Variants in DIP2C observed in about 807,000 individuals in gnomAD.
DIP2C encodes the protein DIP2 acetate--CoA ligase C (putative), also known as disco-interacting protein 2 homolog C.
DIP2C carries 33 observed loss-of-function variants against 192.4 expected under a neutral mutation model. The ratio of observed to expected loss-of-function variants is 0.17; its 90% CI spans 0.13 to 0.23. DIP2C has a LOEUF of 0.23. DIP2C is among the 10% of genes least tolerant of loss of function. The pLI is 1.00. For missense variants in DIP2C, 1,537 were observed against 2,110.1 expected (o/e 0.73, Z 5.32); for synonymous variants, 979 against 864.1 (o/e 1.13, Z -2.33).
At chr10:441,598 T>C (rs992217963) in intron 3 of DIP2C, among the ~76,000 whole-genome samples, 5 of 152,222 alleles carry the variant, frequency 3.3e-5, no homozygotes, top group South Asian at 2.1e-4. Flanking sequence ...TGATGGTTTA[T>C]TAGAGGTTTC....
chr10:303,487 T>G (rs888462879), intron 32 of DIP2C, among the ~76,000 whole-genome samples: 2 of 152,182 alleles, frequency 1.3e-5, no homozygotes, highest in Non-Finnish European at 2.9e-5. Context: ...AAATAATTTA[T>G]CTTTATATCA....
At chr10:387,616 GGACA>G (rs533595292) in intron 14 of DIP2C, 125 bp downstream of exon 14, 198 of 796,322 alleles carry the variant, frequency 2.5e-4, no homozygotes, top group African/African-American at 2.0e-3. Context: ...ACTCCTGTGT[GGACA>G]GACAGTGTGG....
At chr10:446,514 CCT>C (rs1313321643) in intron 3 of DIP2C, among the ~76,000 whole-genome samples, 16 of 152,174 alleles carry the variant, frequency 1.1e-4, no homozygotes, top group African/African-American at 3.9e-4. Flanking sequence ...TAAATAAGGC[CCT>C]GTGTCTTCGG....
intron 1 of DIP2C, among the ~76,000 whole-genome samples, chr10:518,884 T>C (rs780198258): frequency 6.6e-6 from 1 of 152,144 alleles, no homozygotes; most frequent in Non-Finnish European, 1.5e-5. Flanking sequence ...AAAAGGAGGA[T>C]CATTTTAGAC....
intron 1 of DIP2C, among the ~76,000 whole-genome samples, chr10:496,081 C>T (rs964377140): frequency 7.2e-6 from 1 of 139,546 alleles, no homozygotes; most frequent in African/African-American, 2.6e-5. Flanking sequence ...GTGCTGAGTA[C>T]ACAGAACCCA....
intron 1 of DIP2C, among the ~76,000 whole-genome samples, chr10:635,878 A>C (rs1029271553): frequency 6.6e-6 from 1 of 152,106 alleles, no homozygotes; most frequent in Non-Finnish European, 1.5e-5. Flanking sequence ...TCCAGCCCAG[A>C]GGCTCAACGG....
At position 415,840 on chromosome 10, in the gene DIP2C, T is replaced by C; in HGVS notation, c.788A>G (p.Asn263Ser). The change falls in exon 7 of 37, where the codon AAT becomes AGT. Residue 263 changes from asparagine (N) to serine (S), a missense_variant. Coordinates refer to ENST00000280886, the MANE Select transcript of DIP2C (RefSeq NM_014974.3). The stretch of plus-strand genomic sequence containing the variant: ...TGGTCGTTTCGGTCGTTTGAGGGTA[T>C]TGACAAGCTGCTGGATTTTTGCTGA... ...RVSAKIQQLV[N>S]TLKRPKRPPL... 1 of 1,613,910 alleles carries C rather than the reference T, an allele frequency of 6.2e-7. No individual in the cohort carries two copies. Among genetic ancestry groups the C allele is most frequent in the Non-Finnish European group, 8.5e-7 (1 of 1,179,992 alleles).
At chr10:476,136 G>A (rs149487935) in intron 2 of DIP2C, among the ~76,000 whole-genome samples, 97 of 152,264 alleles carry the variant, frequency 6.4e-4, no homozygotes, top group Non-Finnish European at 1.1e-3. Context: ...TGGGAAGGAG[G>A]TATCCCCAGG....
At chr10:291,700 A>C (rs1313985396) in intron 32 of DIP2C, among the ~76,000 whole-genome samples, 1 of 152,188 alleles carries the variant, frequency 6.6e-6, no homozygotes, top group Admixed American at 6.5e-5. Context: ...ACTTTCTCAA[A>C]CTGGGGATCA....
intron 1 of DIP2C, among the ~76,000 whole-genome samples, chr10:488,415 G>A (rs1348130077): frequency 6.6e-6 from 1 of 152,172 alleles, no homozygotes; most frequent in Non-Finnish European, 1.5e-5. Flanking sequence ...TTATTTTACA[G>A]ATGAGAATTT....
intron 1 of DIP2C, among the ~76,000 whole-genome samples, chr10:579,207 TAC>T (rs1015290126): frequency 7.3e-5 from 11 of 151,472 alleles, no homozygotes; most frequent in Non-Finnish European, 1.0e-4. Flanking sequence ...GCATAGAGCA[TAC>T]ACACATCCAG....
At chr10:495,774 C>T (rs748325625) in intron 1 of DIP2C, among the ~76,000 whole-genome samples, 4 of 151,078 alleles carry the variant, frequency 2.6e-5, no homozygotes, top group Non-Finnish European at 5.9e-5. Flanking sequence ...GCTGAGTACA[C>T]AGAACCCACA....
chr10:349,567 A>C, intron 24 of DIP2C, 113 bp from the exon 25 acceptor site: 1 of 1,437,734 alleles, frequency 7.0e-7, no homozygotes, highest in Non-Finnish European at 9.4e-7. Flanking sequence ...ACTGGTTTTT[A>C]GAACAAGCAC....
chr10:596,243 C>T lies in DIP2C; in HGVS notation c.85+93251G>A, dbSNP rs946613427. 2.6e-5 allele frequency among the ~76,000 whole-genome samples: 4 copies of T among 152,148 alleles called. No homozygotes were observed. In the East Asian group the frequency reaches 5.8e-4, roughly 22 times the overall value. On this transcript the variant is annotated intron_variant, in intron 1 of 36. Coordinates refer to ENST00000280886, the MANE Select transcript of DIP2C (RefSeq NM_014974.3). ...GATATTAAGTTGCTGGGTGCGGTGG[C>T]TCACGCCTGTAATCCCAGCACGTTG...
chr10:481,152 G>A (rs1010340987), intron 2 of DIP2C, among the ~76,000 whole-genome samples: 31 of 152,094 alleles, frequency 2.0e-4, no homozygotes, highest in Admixed American at 5.2e-4. Flanking sequence ...CACCTGCCCC[G>A]GGAAAGCACA....
At chr10:492,616 A>G (rs1363602188) in intron 1 of DIP2C, among the ~76,000 whole-genome samples, 4 of 152,238 alleles carry the variant, frequency 2.6e-5, no homozygotes, top group African/African-American at 9.6e-5. Flanking sequence ...AACAACACAC[A>G]CACGCACACA....
Position 363,352 on chromosome 10 carries a change from G to A in DIP2C, c.2478-41C>T, listed in dbSNP as rs749580850. The A allele has an allele frequency of 3.1e-5, 48 of 1,563,838 alleles. No individual in the cohort carries two copies. In the East Asian group the frequency reaches 5.2e-4, roughly 17 times the overall value. ...AGCATGGTGAGCACGCGCCGGGGACGCTCATGCAGCCCTCCCTCCGCCATC... is the reference window on the plus strand; with the variant it reads ...AGCATGGTGAGCACGCGCCGGGGACACTCATGCAGCCCTCCCTCCGCCATC... On this transcript the variant is annotated intron_variant, in intron 20 of 36. Coordinates refer to ENST00000280886, the MANE Select transcript of DIP2C (RefSeq NM_014974.3). This position sits in a 1 kb window ranked among gnomAD's most constrained non-coding sequence, Gnocchi z 5.4.
chr10:583,453 T>G (rs1171861862), intron 1 of DIP2C, among the ~76,000 whole-genome samples: 1 of 152,248 alleles, frequency 6.6e-6, no homozygotes, highest in Admixed American at 6.5e-5. Context: ...GTAACATCCC[T>G]GGAAATGGCA....
At chr10:355,711 G>A (rs1258747208) in intron 24 of DIP2C, among the ~76,000 whole-genome samples, 1 of 152,204 alleles carries the variant, frequency 6.6e-6, no homozygotes, top group African/African-American at 2.4e-5. Context: ...AGTGTAAACA[G>A]GAAATTTAAT....
Sources: allele counts gnomAD v4.1 joint callset (sites outside exome capture counted in the v4.1 genomes callset), GRCh38; gene constraint gnomAD v4.1.1; non-coding constraint Gnocchi (gnomAD v3.1); transcripts MANE v1.5; gene names NCBI Gene and HGNC (gene_info 2026-07-23, HGNC 2026-07-21).